Variants in EYS observed in about 807,000 individuals in gnomAD.
EYS encodes the protein EGF-like photoreceptor maintenance factor.
A neutral mutation model predicts 282.1 loss-of-function variants in EYS; 250 were observed. The ratio of observed to expected loss-of-function variants is 0.89; its 90% CI spans 0.80 to 0.98. The LOEUF is 0.98. Among genes scored for constraint, EYS ranks in the 50% least tolerant of loss-of-function variants. The probability of loss-of-function intolerance (pLI) is 0.00; values close to 1 mark genes in which losing one functional copy is unlikely to be tolerated. For missense variants in EYS, 4,016 were observed against 3,709.0 expected (o/e 1.08, Z -2.15); for synonymous variants, 1,355 against 1,282.9 (o/e 1.06, Z -1.20).
At chr6:64,341,730 C>T (rs543586835) in intron 29 of EYS, among the ~76,000 whole-genome samples, 1 of 151,648 alleles carries the variant, frequency 6.6e-6, no homozygotes, top group African/African-American at 2.4e-5. Context: ...CTATCCAATC[C>T]TACTTCCTTC....
intron 7 of EYS, among the ~76,000 whole-genome samples, chr6:65,390,726 CT>C (rs964380576): frequency 1.3e-4 from 20 of 151,450 alleles, no homozygotes; most frequent in African/African-American, 4.8e-4. Flanking sequence ...TCCACAATTT[CT>C]TTTTTTCAAA....
chr6:64,488,631 GACTA>G lies in EYS; in HGVS notation c.5645-49283_5645-49280del, dbSNP rs558953216. Among the ~76,000 whole-genome samples, 361 of 151,038 alleles carry G rather than the reference GACTA, an allele frequency of 2.4e-3. 1 individual carries two copies. Among genetic ancestry groups the G allele is most frequent in the Non-Finnish European group, 4.1e-3 (276 of 67,216 alleles). On this transcript the variant is annotated intron_variant, in intron 26 of 42. Coordinates refer to ENST00000503581, the MANE Select transcript of EYS (RefSeq NM_001142800.2). Reference sequence around the variant, plus strand: ...GTATAAATAACTTTAGAACAAAGAAGACTAACTATGTTTATAATAAAAATAAAAT... The same window carrying G: ...GTATAAATAACTTTAGAACAAAGAAGACTATGTTTATAATAAAAATAAAAT...
At chr6:65,449,340 C>G (rs570219912) in intron 5 of EYS, among the ~76,000 whole-genome samples, 46 of 152,090 alleles carry the variant, frequency 3.0e-4, no homozygotes, top group African/African-American at 1.1e-3. Flanking sequence ...AGGTGAAGAA[C>G]TTTCTAATTA....
chr6:65,162,967 C>A (rs1764887343), intron 12 of EYS, among the ~76,000 whole-genome samples: 1 of 149,594 alleles, frequency 6.7e-6, no homozygotes, highest in African/African-American at 2.4e-5. Context: ...ACATATTTTT[C>A]ATGCTCTTGT....
intron 5 of EYS, among the ~76,000 whole-genome samples, chr6:65,476,722 G>A (rs538707269): frequency 3.2e-4 from 49 of 151,992 alleles, no homozygotes; most frequent in African/African-American, 1.1e-3. Context: ...GACTACAGGC[G>A]CGTGCCACCA....
chr6:65,021,494 A>G (rs549586606), intron 13 of EYS, among the ~76,000 whole-genome samples: 1 of 152,342 alleles, frequency 6.6e-6, no homozygotes, highest in South Asian at 2.1e-4. Context: ...CAAGGCTCTC[A>G]GAAGTTCCAA....
intron 5 of EYS, among the ~76,000 whole-genome samples, chr6:65,429,468 C>A (rs1767794168): frequency 6.6e-6 from 1 of 152,146 alleles, no homozygotes; most frequent in Non-Finnish European, 1.5e-5. Context: ...AGCTTCATTT[C>A]TTATAGCCTT....
At chr6:65,119,626 T>G (rs1775468381) in intron 12 of EYS, among the ~76,000 whole-genome samples, 1 of 127,536 alleles carries the variant, frequency 7.8e-6, no homozygotes, top group South Asian at 2.5e-4. Flanking sequence ...CTTAGCCTTT[T>G]TATCTTTTTT....
intron 31 of EYS, among the ~76,000 whole-genome samples, chr6:64,139,626 T>C (rs1774274461): frequency 6.6e-6 from 1 of 151,874 alleles, no homozygotes; most frequent in Non-Finnish European, 1.5e-5. Context: ...CATTGAAGAG[T>C]TGAGCAGAGA....
intron 15 of EYS, among the ~76,000 whole-genome samples, chr6:64,923,219 C>A (rs559508397): frequency 6.6e-6 from 1 of 151,758 alleles, no homozygotes; most frequent in African/African-American, 2.4e-5. Flanking sequence ...TGATGGGAGG[C>A]GAAAGGTATG....
rs529419380 is a variant in EYS, at chr6:65,010,590, T to C, written c.2138-12887A>G. 3.3e-5 allele frequency among the ~76,000 whole-genome samples: 5 copies of C among 152,280 alleles called. No homozygotes were observed. In the South Asian group the frequency reaches 8.3e-4, roughly 25 times the overall value. The stretch of plus-strand genomic sequence containing the variant: ...AACTTGTGTACTGATGGAAGTTCCT[T>C]TGTAGAAAAAGGACTTTGAAAAGCG... On this transcript the variant is annotated intron_variant, in intron 13 of 42. Transcript: ENST00000503581.
chr6:65,006,777 T>C (rs552983284), intron 13 of EYS, among the ~76,000 whole-genome samples: 1 of 152,118 alleles, frequency 6.6e-6, no homozygotes, highest in South Asian at 2.1e-4. Flanking sequence ...TAAGGAGACT[T>C]TTGTGGAAGC....
chr6:64,145,118 A>G (rs962050319), intron 31 of EYS, among the ~76,000 whole-genome samples: 2 of 152,214 alleles, frequency 1.3e-5, no homozygotes, highest in African/African-American at 4.8e-5. Context: ...AATAAGAAGC[A>G]TGATTATTTT....
intron 36 of EYS, among the ~76,000 whole-genome samples, chr6:63,816,284 A>G (rs1771176378): frequency 1.3e-5 from 2 of 152,214 alleles, no homozygotes; most frequent in South Asian, 4.1e-4. Flanking sequence ...ATCTCAAACT[A>G]TAATGGAGTA....
At chr6:65,302,021 A>G (rs557245303) in intron 11 of EYS, among the ~76,000 whole-genome samples, 13 of 152,374 alleles carry the variant, frequency 8.5e-5, no homozygotes, top group Non-Finnish European at 1.8e-4. Flanking sequence ...TGTTTTTCAG[A>G]TTATATTGTT....
chr6:64,529,110 A>G (rs766225000), intron 26 of EYS, among the ~76,000 whole-genome samples: 3 of 152,008 alleles, frequency 2.0e-5, no homozygotes, highest in Non-Finnish European at 4.4e-5. Flanking sequence ...CATTTTGGAA[A>G]ACTTAGGTCA....
At chr6:65,382,335 A>T (rs1222559299) in intron 8 of EYS, among the ~76,000 whole-genome samples, 2 of 148,618 alleles carry the variant, frequency 1.3e-5, no homozygotes, top group Non-Finnish European at 1.5e-5. Flanking sequence ...GGGGATATGG[A>T]CTCACTTTTT....
chr6:64,455,315 C>A (rs1775518169), intron 26 of EYS, among the ~76,000 whole-genome samples: 1 of 152,062 alleles, frequency 6.6e-6, no homozygotes, highest in African/African-American at 2.4e-5. Flanking sequence ...CTGCCTAGAA[C>A]CTTCAGAAAC....
intron 31 of EYS, among the ~76,000 whole-genome samples, chr6:64,164,194 A>G (rs1295180901): frequency 6.6e-6 from 1 of 152,102 alleles, no homozygotes; most frequent in African/African-American, 2.4e-5. Context: ...TTACTTCTTA[A>G]TTGCTAAAGG....
Sources: gnomAD v4.1 joint callset for allele counts (sites outside exome capture counted in the v4.1 genomes callset) on GRCh38, gnomAD v4.1.1 for gene constraint, MANE v1.5 for transcripts, NCBI Gene and HGNC (gene_info 2026-07-23, HGNC 2026-07-21) for gene names.